STX7: variants seen among roughly 807,000 people sequenced by gnomAD.
STX7 encodes the protein syntaxin 7.
In STX7, 34 loss-of-function variants were observed where a neutral mutation model predicts 39.6. The ratio of observed to expected loss-of-function variants is 0.86; its 90% confidence interval spans 0.65 to 1.14. The LOEUF (loss-of-function observed/expected upper bound fraction) is 1.14, where lower values mean the gene tolerates loss of function less well. Ranked by LOEUF, STX7 falls within the 50% of genes most tolerant of loss-of-function variation. STX7 has a pLI of 0.00. For synonymous variants in STX7, 119 were observed against 99.1 expected (o/e 1.20, Z -1.19); for missense variants, 284 against 310.4 (o/e 0.92, Z 0.64).
At position 132,448,829 on chromosome 6, in the gene STX7, C is replaced by A. The variant is rs1324083089; in HGVS notation, c.*11929G>T. The A allele has an allele frequency of 7.5e-5, 8 of 107,366 alleles. No individual in the cohort carries two copies. The highest frequency in any genetic ancestry group is 2.9e-4 in the African/African-American group (8 of 27,624). 6.7% of individuals were successfully genotyped at this position (107,366 alleles called of 1,614,324 possible). Reference sequence around the variant, plus strand: ...CTCCATCATGGGTGACAGAGCAAGACTCTGTCTCAAAAAAAAAAAAAAAAA... The same window carrying A: ...CTCCATCATGGGTGACAGAGCAAGAATCTGTCTCAAAAAAAAAAAAAAAAA... On this transcript the variant is annotated 3_prime_UTR_variant, in exon 10 of 10. Transcript: ENST00000367941.
At chr6:132,464,189 ATAGTAG>A in intron 8 of STX7, 114 bp from the exon 9 acceptor site, 1 of 1,019,708 alleles carries the variant, frequency 9.8e-7, no homozygotes. Context: ...TCAAAGGTTA[ATAGTAG>A]TATATCATAA....
In STX7 at chr6:132,447,397, T is replaced by C. The variant is rs1158339987; in HGVS notation, c.*13361A>G. 1 of 152,226 alleles carries C rather than the reference T, an allele frequency of 6.6e-6. No homozygotes were observed. The highest frequency in any genetic ancestry group is 2.4e-5 in the African/African-American group (1 of 41,474). 9.4% of individuals were successfully genotyped at this position (152,226 alleles called of 1,614,324 possible). On this transcript the variant is annotated 3_prime_UTR_variant, in exon 10 of 10. Coordinates refer to ENST00000367941, the MANE Select transcript of STX7 (RefSeq NM_003569.3). ...AAACATTCCTTTATCATTTTCCTTC[T>C]AAATCTTTTATACATGCTTAAGAAA...
In STX7 at chr6:132,453,574, C is replaced by T. The variant is rs1774183739; in HGVS notation, c.*7184G>A. 6.6e-6 allele frequency: 1 copy of T among 151,036 alleles called. No homozygotes were observed. Among genetic ancestry groups the T allele is most frequent in the African/African-American group, 2.4e-5 (1 of 41,104 alleles). The allele number at this position is 151,036 out of a possible 1,614,324, so 9.4% of individuals were successfully genotyped here. On this transcript the variant is annotated 3_prime_UTR_variant, in exon 10 of 10. Transcript: ENST00000367941. Reference sequence around the variant, plus strand: ...GGCACACACACACATTATTTAAAAGCCCTCAAAACTCAACAGAAAAAAAAT... The same window carrying T: ...GGCACACACACACATTATTTAAAAGTCCTCAAAACTCAACAGAAAAAAAAT...
Position 132,509,932 on chromosome 6 carries a change from T to C in STX7, c.-59+3075A>G, listed in dbSNP as rs911533599. On this transcript the variant is annotated intron_variant, in intron 1 of 9. Transcript: ENST00000367941. ...GAGCTGCTACGCACTAAAGTACTCT[T>C]GTTGAATACTTTTGAAAGCCCACTC... Among the ~76,000 whole-genome samples, 51 of 152,190 alleles carry C rather than the reference T, an allele frequency of 3.4e-4. 1 individual carries two copies. The highest frequency in any genetic ancestry group is 1.2e-4 in the Non-Finnish European group (8 of 68,022).
At chr6:132,468,319 G>A in intron 8 of STX7, 84 bp downstream of exon 8, 1 of 1,018,456 alleles carries the variant, frequency 9.8e-7, no homozygotes, top group Non-Finnish European at 1.5e-6. Context: ...GACAGAAAGT[G>A]GTTACTCTTC....
At chr6:132,481,948 G>A (rs1028087911) in intron 2 of STX7, among the ~76,000 whole-genome samples, 1 of 152,142 alleles carries the variant, frequency 6.6e-6, no homozygotes, top group African/African-American at 2.4e-5. Flanking sequence ...ATCATACTCA[G>A]ACCTACACTG....
chr6:132,499,507 G>C (rs1405352451), intron 2 of STX7, among the ~76,000 whole-genome samples: 2 of 152,188 alleles, frequency 1.3e-5, no homozygotes, highest in African/African-American at 4.8e-5. Context: ...TCTTTTCAAA[G>C]TCACCAGTTT....
intron 2 of STX7, among the ~76,000 whole-genome samples, chr6:132,488,528 T>G (rs1180379181): frequency 6.6e-6 from 1 of 152,214 alleles, no homozygotes; most frequent in Non-Finnish European, 1.5e-5. Flanking sequence ...TGTCAGTGTT[T>G]GCTCCATGTA....
intron 8 of STX7, among the ~76,000 whole-genome samples, chr6:132,465,174 C>T (rs757442338): frequency 1.8e-4 from 28 of 152,256 alleles, no homozygotes; most frequent in Non-Finnish European, 3.1e-4. Context: ...TTTCCAAAGA[C>T]GAACACCTTT....
At chr6:132,472,201 G>T in intron 4 of STX7, 81 bp downstream of exon 4, 1 of 1,006,058 alleles carries the variant, frequency 9.9e-7, no homozygotes, top group Non-Finnish European at 1.5e-6. Flanking sequence ...TTCCTTTCTA[G>T]CGTAACAGTT....
chr6:132,459,489 C>A lies in STX7; in HGVS notation c.*1269G>T, dbSNP rs570828652. On this transcript the variant is annotated 3_prime_UTR_variant, in exon 10 of 10. Transcript: ENST00000367941. ...ACCTGTGGTCCCACCAGAGCATAGT[C>A]CTCATGAAATAGGCCTAACCAGATA... The A allele has an allele frequency of 1.5e-4, 23 of 152,308 alleles. No individual in the cohort carries two copies. The highest frequency in any genetic ancestry group is 3.4e-3 in the Middle Eastern group (1 of 294). 9.4% of individuals were successfully genotyped at this position (152,308 alleles called of 1,614,324 possible). A position where few individuals can be genotyped will look rare whatever the true frequency, so the allele number is the denominator to read the frequency against.
chr6:132,508,386 C>A (rs778268634), intron 1 of STX7, among the ~76,000 whole-genome samples: 1 of 152,240 alleles, frequency 6.6e-6, no homozygotes, highest in Non-Finnish European at 1.5e-5. Flanking sequence ...AATCAATTTT[C>A]TTCATCCCTT....
At chr6:132,485,289 T>C (rs979381521) in intron 2 of STX7, among the ~76,000 whole-genome samples, 1 of 152,232 alleles carries the variant, frequency 6.6e-6, no homozygotes, top group African/African-American at 2.4e-5. Flanking sequence ...ACAGAGTATT[T>C]ATTCGTTTTT....
chr6:132,468,232 T>C (rs543428839), intron 8 of STX7, among the ~76,000 whole-genome samples, 171 bp downstream of exon 8: 38 of 152,318 alleles, frequency 2.5e-4, no homozygotes, highest in Non-Finnish European at 4.0e-4. Context: ...AAATGAGATC[T>C]GTTTTAGATA....
intron 2 of STX7, among the ~76,000 whole-genome samples, chr6:132,484,561 G>A (rs1164913503): frequency 6.6e-6 from 1 of 152,108 alleles, no homozygotes; most frequent in African/African-American, 2.4e-5. Context: ...TTAAAGAACT[G>A]TCTCCAAATA....
At chr6:132,468,375 C>G in intron 8 of STX7, 28 bp downstream of exon 8, 1 of 1,580,458 alleles carries the variant, frequency 6.3e-7, no homozygotes, top group Non-Finnish European at 8.7e-7. Context: ...TTGCTCTCAC[C>G]TCCAAAATCT....
At chr6:132,488,354 T>A (rs1031591732) in intron 2 of STX7, among the ~76,000 whole-genome samples, 1 of 152,244 alleles carries the variant, frequency 6.6e-6, no homozygotes, top group Non-Finnish European at 1.5e-5. Flanking sequence ...AAACGTGTGT[T>A]CTGCTGTTGT....
Position 132,463,976 on chromosome 6 carries a change from G to A in STX7, c.693+17C>T. ...GAAAAGGATAAGTTATAAGAAAATT[G>A]ATCACAGTTAAATTACCTGATAATC... On this transcript the variant is annotated intron_variant, in intron 9 of 9. Transcript: ENST00000367941. 5 of 1,612,692 alleles carry A rather than the reference G, an allele frequency of 3.1e-6. No homozygotes were observed. Among genetic ancestry groups the A allele is most frequent in the South Asian group, 1.1e-5 (1 of 91,032 alleles).
Position 132,492,742 on chromosome 6 carries a change from A to C in STX7, c.85+10704T>G, listed in dbSNP as rs538363358. 1.9e-4 allele frequency among the ~76,000 whole-genome samples: 29 copies of C among 152,332 alleles called. No individual in the cohort carries two copies. In the South Asian group the frequency reaches 6.0e-3, roughly 32 times the overall value. On this transcript the variant is annotated intron_variant, in intron 2 of 9. Coordinates refer to ENST00000367941, the MANE Select transcript of STX7 (RefSeq NM_003569.3). The stretch of plus-strand genomic sequence containing the variant: ...CCAGGGTGACTGGAAGATCAAAAAC[A>C]ATGCACAAAAAAAGGAATAAAAGAT...
Sources: allele counts gnomAD v4.1 joint callset (sites outside exome capture counted in the v4.1 genomes callset), GRCh38; gene constraint gnomAD v4.1.1; transcripts MANE v1.5; gene names NCBI Gene and HGNC (gene_info 2026-07-23, HGNC 2026-07-21).